Variants in RGS6 observed in about 807,000 individuals in gnomAD.
RGS6 encodes regulator of G-protein signaling 6.
Under a neutral mutation model 78.5 loss-of-function variants are expected in RGS6, and 30 were observed. That is an observed-to-expected ratio of 0.38 (90% CI 0.29 to 0.52). The LOEUF is 0.52. Ranked by LOEUF, RGS6 falls within the 20% of genes least tolerant of loss-of-function variation. The pLI is 0.85. For missense variants in RGS6, 495 were observed against 609.7 expected (o/e 0.81, Z 1.98); for synonymous variants, 206 against 206.0 (o/e 1.00, Z 0.00).
chr14:72,393,617 T>C (rs1414963391), intron 3 of RGS6, among the ~76,000 whole-genome samples: 2 of 151,428 alleles, frequency 1.3e-5, no homozygotes, highest in Admixed American at 1.3e-4. Context: ...ATATCTGCTA[T>C]TGAGAAGAGT....
chr14:72,572,776 C>T, the RGS6 span, among the ~76,000 whole-genome samples: 1 of 151,912 alleles, frequency 6.6e-6, no homozygotes, highest in Non-Finnish European at 1.5e-5. Flanking sequence ...AAATCATTGA[C>T]TTACATACTT....
chr14:72,413,193 G>T (rs1177493395), intron 3 of RGS6, among the ~76,000 whole-genome samples: 1 of 152,292 alleles, frequency 6.6e-6, no homozygotes, highest in African/African-American at 2.4e-5. Flanking sequence ...TTATTATTGT[G>T]TGGGAGTCTA....
chr14:72,073,861 AAG>A (rs1411691019), intron 2 of RGS6, among the ~76,000 whole-genome samples: 1 of 152,222 alleles, frequency 6.6e-6, no homozygotes, highest in East Asian at 1.9e-4. Flanking sequence ...TAAGTAGACT[AAG>A]AAAAAATTAT....
intron 13 of RGS6, among the ~76,000 whole-genome samples, chr14:72,498,396 A>G (rs925801097): frequency 3.3e-5 from 5 of 152,066 alleles, no homozygotes; most frequent in African/African-American, 1.2e-4. Context: ...ATGCCCAGCT[A>G]TTTGGAAGAC....
chr14:72,345,861 G>A lies in RGS6; in HGVS notation c.85-6234G>A, dbSNP rs550391136. Among the ~76,000 whole-genome samples, 144 of 152,280 alleles carry A rather than the reference G, an allele frequency of 9.5e-4. 1 individual carries two copies. Among genetic ancestry groups the A allele is most frequent in the African/African-American group, 3.2e-3 (135 of 41,548 alleles). ...GCATTGTGTCTTTAAAAATAAAAAA[G>A]AGAAATAGCCTGATCTTTTGGAACA... On this transcript the variant is annotated intron_variant, in intron 2 of 17. Transcript: ENST00000553525.
At chr14:72,457,101 A>AG (rs2153231651) in intron 4 of RGS6, among the ~76,000 whole-genome samples, 1 of 151,636 alleles carries the variant, frequency 6.6e-6, no homozygotes, top group East Asian at 1.9e-4. Context: ...AAAAAAAAAA[A>AG]AAAAAAAATA....
intron 15 of RGS6, among the ~76,000 whole-genome samples, chr14:72,523,554 T>C (rs897438528): frequency 5.3e-5 from 8 of 152,210 alleles, no homozygotes; most frequent in African/African-American, 1.2e-4. Context: ...CTCTCTCCAA[T>C]GGGTTTTGTT....
intron 2 of RGS6, among the ~76,000 whole-genome samples, chr14:72,221,447 TCTTC>T (rs891920092): frequency 5.3e-5 from 8 of 152,332 alleles, no homozygotes; most frequent in African/African-American, 1.9e-4. Context: ...TAAGAACTGC[TCTTC>T]CTTCTTCTGC....
the RGS6 span, among the ~76,000 whole-genome samples, chr14:72,613,796 C>T: frequency 2.0e-5 from 3 of 152,236 alleles, no homozygotes; most frequent in Admixed American, 1.3e-4. Context: ...TTGGGCCTCT[C>T]TTCTAGCTGC....
At chr14:72,335,713 T>C (rs1184550594) in intron 2 of RGS6, among the ~76,000 whole-genome samples, 5 of 152,202 alleles carry the variant, frequency 3.3e-5, no homozygotes, top group African/African-American at 1.2e-4. Context: ...ACATAAAATA[T>C]ACTAACACTA....
intron 3 of RGS6, among the ~76,000 whole-genome samples, chr14:72,397,616 C>T (rs1449187006): frequency 1.3e-5 from 2 of 152,092 alleles, no homozygotes; most frequent in Admixed American, 1.3e-4. Flanking sequence ...GAGGGCATCC[C>T]TGTCTTGTGC....
At chr14:72,458,108 C>T (rs961873041) in intron 4 of RGS6, among the ~76,000 whole-genome samples, 163 bp from the exon 5 acceptor site, 1 of 152,140 alleles carries the variant, frequency 6.6e-6, no homozygotes, top group Non-Finnish European at 1.5e-5. Context: ...CCCTTTCCAG[C>T]CATTGGCATC....
chr14:72,359,581 G>A (rs1310308976), intron 3 of RGS6, among the ~76,000 whole-genome samples: 1 of 152,104 alleles, frequency 6.6e-6, no homozygotes, highest in East Asian at 1.9e-4. Flanking sequence ...GGAATAATGA[G>A]GTCACCAAGG....
chr14:72,263,080 G>A (rs892300750), intron 2 of RGS6, among the ~76,000 whole-genome samples: 2 of 152,208 alleles, frequency 1.3e-5, no homozygotes, highest in African/African-American at 4.8e-5. Context: ...TATCTGGGTG[G>A]TTATGGGCTG....
chr14:72,313,435 C>A (rs893485927), intron 2 of RGS6, among the ~76,000 whole-genome samples: 1 of 152,198 alleles, frequency 6.6e-6, no homozygotes, highest in East Asian at 1.9e-4. Flanking sequence ...CAGTAGAGAC[C>A]GCTTGCTTTT....
chr14:72,599,406 T>TTTTTG, the RGS6 span, among the ~76,000 whole-genome samples: 1 of 114,186 alleles, frequency 8.8e-6, no homozygotes, highest in South Asian at 3.3e-4. Flanking sequence ...TTTTTTTTTT[T>TTTTTG]TTTTTTTTTT....
chr14:72,060,722 T>G (rs760204325), intron 2 of RGS6, among the ~76,000 whole-genome samples: 35 of 152,218 alleles, frequency 2.3e-4, no homozygotes, highest in Non-Finnish European at 4.0e-4. Context: ...GCAGAGTGTT[T>G]TGCTTACTGA....
chr14:71,918,364 C>T, the RGS6 span, among the ~76,000 whole-genome samples: 2 of 152,142 alleles, frequency 1.3e-5, no homozygotes, highest in Admixed American at 6.5e-5. Context: ...TTAAAGGCTG[C>T]ATTCACCATT....
At chr14:72,272,091 C>T (rs551725424) in intron 2 of RGS6, among the ~76,000 whole-genome samples, 2 of 152,210 alleles carry the variant, frequency 1.3e-5, no homozygotes, top group Non-Finnish European at 2.9e-5. Flanking sequence ...TATCCAAGTT[C>T]TGGGGATTAG....
Sources: gnomAD v4.1 joint callset for allele counts (sites outside exome capture counted in the v4.1 genomes callset) on GRCh38, gnomAD v4.1.1 for gene constraint, MANE v1.5 for transcripts, NCBI Gene and HGNC (gene_info 2026-07-23, HGNC 2026-07-21) for gene names.